MAST4: variants seen among roughly 807,000 people sequenced by gnomAD.
MAST4 encodes microtubule associated serine/threonine kinase family member 4.
A neutral mutation model predicts 162.7 loss-of-function variants in MAST4; 89 were observed. That is an observed-to-expected ratio of 0.55 (90% CI 0.46 to 0.65). MAST4 has a LOEUF of 0.65. Ranked by LOEUF, MAST4 falls within the 30% of genes least tolerant of loss-of-function variation. MAST4 has a pLI of 0.00. For missense variants in MAST4, 3,153 were observed against 3,374.0 expected, an observed-to-expected ratio of 0.93 and a Z score of 1.62; for synonymous variants, 1,479 against 1,361.1, an observed-to-expected ratio of 1.09 and a Z score of -1.91.
At chr5:67,106,063 A>G (rs1765561233) in intron 10 of MAST4, among the ~76,000 whole-genome samples, 1 of 151,944 alleles carries the variant, frequency 6.6e-6, no homozygotes, top group Non-Finnish European at 1.5e-5. Context: ...CTTTTAATTT[A>G]TTGTTCTTGG....
At chr5:66,701,449 T>C (rs556926300) in intron 1 of MAST4, among the ~76,000 whole-genome samples, 1 of 152,334 alleles carries the variant, frequency 6.6e-6, no homozygotes, top group Non-Finnish European at 1.5e-5. Flanking sequence ...ATTTTCTGTT[T>C]CACTTCCTTG....
At chr5:66,828,198 T>A (rs1395521650) in intron 3 of MAST4, among the ~76,000 whole-genome samples, 1 of 152,182 alleles carries the variant, frequency 6.6e-6, no homozygotes, top group Non-Finnish European at 1.5e-5. Flanking sequence ...TTTATGTAAA[T>A]GAATGGGCTT....
intron 4 of MAST4, among the ~76,000 whole-genome samples, chr5:66,968,218 G>C (rs1746989904): frequency 6.6e-6 from 1 of 152,108 alleles, no homozygotes; most frequent in South Asian, 2.1e-4. Context: ...CATCTTCCTG[G>C]ATGATAACCA....
At chr5:66,674,595 T>A (rs1388441392) in intron 1 of MAST4, among the ~76,000 whole-genome samples, 4 of 152,024 alleles carry the variant, frequency 2.6e-5, no homozygotes, top group Non-Finnish European at 4.4e-5. Flanking sequence ...GAGTTCAGAG[T>A]CTCTCTTTTG....
chr5:66,647,570 ATAG>A (rs1356401799), intron 1 of MAST4, among the ~76,000 whole-genome samples: 6 of 151,700 alleles, frequency 4.0e-5, no homozygotes, highest in Non-Finnish European at 8.8e-5. Context: ...AGGAAAAAAA[ATAG>A]AAGTTAAAAT....
intron 1 of MAST4, among the ~76,000 whole-genome samples, chr5:66,676,620 G>A (rs1747963979): frequency 6.6e-6 from 1 of 152,220 alleles, no homozygotes; most frequent in African/African-American, 2.4e-5. Flanking sequence ...GATTTGAAAA[G>A]ATGGGACCAT....
chr5:66,847,820 C>CAAAAAAAAAAAA lies in MAST4; in HGVS notation c.643-52119_643-52108dup, dbSNP rs777825639. ...TGGGTGCTGGAACAAGACTCCTTCTCAAAAAAAAAAAAAAAAAAAAAAAGA... is the reference window on the plus strand; with the variant it reads ...TGGGTGCTGGAACAAGACTCCTTCTCAAAAAAAAAAAAAAAAAAAAAAAAAAAAAAAAAAAGA... On this transcript the variant is annotated intron_variant, in intron 3 of 28. Transcript: ENST00000403625. 1.1e-3 allele frequency among the ~76,000 whole-genome samples: 58 copies of CAAAAAAAAAAAA among 54,132 alleles called. 5 individuals carry two copies. In the South Asian group the frequency reaches 0.015, roughly 14 times the overall value. The allele number at this position is 54,132 out of a possible 152,430, so 35.5% of individuals were successfully genotyped here. A position where few individuals can be genotyped will look rare whatever the true frequency, so the allele number is the denominator to read the frequency against.
intron 5 of MAST4, among the ~76,000 whole-genome samples, chr5:67,086,447 C>T (rs970034762): frequency 2.0e-5 from 3 of 152,098 alleles, no homozygotes; most frequent in Non-Finnish European, 2.9e-5. Context: ...TGTGTAGTGC[C>T]GTTAGGTAAA....
At chr5:66,750,248 T>C (rs1753050067) in intron 1 of MAST4, among the ~76,000 whole-genome samples, 1 of 152,236 alleles carries the variant, frequency 6.6e-6, no homozygotes, top group South Asian at 2.1e-4. Context: ...CCTTAGGGCA[T>C]GTGCATACTG....
At chr5:67,140,511 G>A (rs747500608) in intron 19 of MAST4, among the ~76,000 whole-genome samples, 8 of 152,212 alleles carry the variant, frequency 5.3e-5, no homozygotes, top group Non-Finnish European at 8.8e-5. Context: ...TTTGCAAAGC[G>A]ATGCAAGAGA....
intron 1 of MAST4, among the ~76,000 whole-genome samples, chr5:66,648,167 T>TATA (rs1561236633): frequency 6.7e-6 from 1 of 150,316 alleles, no homozygotes; most frequent in African/African-American, 2.4e-5. Flanking sequence ...CCATAATATA[T>TATA]AAAAAAAAAT....
At chr5:66,869,601 C>T (rs1387984212) in intron 3 of MAST4, among the ~76,000 whole-genome samples, 2 of 152,130 alleles carry the variant, frequency 1.3e-5, no homozygotes, top group East Asian at 1.9e-4. Flanking sequence ...CTGTGAACGC[C>T]GAAGCAGTGA....
Position 67,153,556 on chromosome 5 carries a change from A to G in MAST4, c.3624A>G (p.Thr1208=), listed in dbSNP as rs970694563. Residue 1208 remains threonine, a synonymous_variant, in exon 26 of 29, where the codon ACA becomes ACG. Coordinates refer to ENST00000403625, the MANE Select transcript of MAST4 (RefSeq NM_001164664.2). ...NGEPVHGLVH[T]EVIELLLKSG... Reference sequence around the variant, plus strand: ...AACCAGTGCATGGACTTGTCCACACAGAAGTTATAGAACTCCTACTGAAGG... The same window carrying G: ...AACCAGTGCATGGACTTGTCCACACGGAAGTTATAGAACTCCTACTGAAGG... 12 of 1,590,046 alleles carry G rather than the reference A, an allele frequency of 7.5e-6. No homozygotes were observed. Among genetic ancestry groups the G allele is most frequent in the Middle Eastern group, 1.7e-4 (1 of 6,052 alleles).
chr5:67,069,287 G>GAGATATATATAT (rs138978370), intron 5 of MAST4, among the ~76,000 whole-genome samples: 2 of 107,634 alleles, frequency 1.9e-5, no homozygotes, highest in South Asian at 3.2e-4. Flanking sequence ...GAGGAGATTG[G>GAGATATATATAT]ATATATATAT....
At chr5:67,096,865 A>G (rs1424224654) in intron 7 of MAST4, among the ~76,000 whole-genome samples, 1 of 152,150 alleles carries the variant, frequency 6.6e-6, no homozygotes, top group Non-Finnish European at 1.5e-5. Flanking sequence ...CATCCTAACA[A>G]CCTTAAGTAG....
At chr5:66,825,342 A>G (rs1452666476) in intron 3 of MAST4, among the ~76,000 whole-genome samples, 1 of 150,950 alleles carries the variant, frequency 6.6e-6, no homozygotes, top group Non-Finnish European at 1.5e-5. Context: ...AGTCAGGATC[A>G]TCAAGGTGTC....
At chr5:66,926,607 T>C (rs1379448279) in intron 4 of MAST4, among the ~76,000 whole-genome samples, 1 of 151,686 alleles carries the variant, frequency 6.6e-6, no homozygotes, top group African/African-American at 2.4e-5. Context: ...TATATATGTA[T>C]GTATATGTAT....
intron 4 of MAST4, among the ~76,000 whole-genome samples, chr5:66,988,527 T>C (rs1312000566): frequency 6.6e-6 from 1 of 152,226 alleles, no homozygotes; most frequent in Non-Finnish European, 1.5e-5. Flanking sequence ...TTAAAAATAC[T>C]AACTATCCTA....
At position 67,056,387 on chromosome 5, in the gene MAST4, A is replaced by G. The variant is rs376426870; in HGVS notation, c.763+1895A>G. Among the ~76,000 whole-genome samples the G allele has an allele frequency of 7.9e-5, 12 of 152,314 alleles. No individual in the cohort carries two copies. The South Asian group carries it at 2.5e-3, about 32-fold the overall frequency. ...CACAGTGCGCAGCAGTGTATGCTAG[A>G]TGCTAAGTGAATGATGATTCTGTTT... On this transcript the variant is annotated intron_variant, in intron 5 of 28. Coordinates refer to ENST00000403625, the MANE Select transcript of MAST4 (RefSeq NM_001164664.2).
Sources: allele counts gnomAD v4.1 joint callset (sites outside exome capture counted in the v4.1 genomes callset), GRCh38; gene constraint gnomAD v4.1.1; transcripts MANE v1.5; gene names NCBI Gene and HGNC (gene_info 2026-07-23, HGNC 2026-07-21).